FOXP1: variants seen among roughly 807,000 people sequenced by gnomAD.
FOXP1 encodes forkhead box P1.
In FOXP1, 15 loss-of-function variants were observed where a neutral mutation model predicts 98.2. That is an observed-to-expected ratio of 0.15 (90% CI 0.10 to 0.24). The LOEUF (loss-of-function observed/expected upper bound fraction) is 0.24. Among genes scored for constraint, FOXP1 ranks in the 10% least tolerant of loss-of-function variants. FOXP1 has a pLI of 1.00. For missense variants in FOXP1, 633 were observed against 848.5 expected (o/e 0.75, Z 3.15); for synonymous variants, 371 against 314.5 (o/e 1.18, Z -1.90).
chr3:71,060,408 T>C (rs2107254028), intron 7 of FOXP1, among the ~76,000 whole-genome samples: 1 of 152,232 alleles, frequency 6.6e-6, no homozygotes, highest in East Asian at 1.9e-4. Context: ...GATTTATTTA[T>C]AATGAAGACA....
intron 3 of FOXP1, among the ~76,000 whole-genome samples, chr3:71,448,297 C>T (rs1459428865): frequency 6.6e-6 from 1 of 152,190 alleles, no homozygotes; most frequent in Admixed American, 6.5e-5. Context: ...AATCCTGCTC[C>T]ATTAAGTCTG....
intron 3 of FOXP1, among the ~76,000 whole-genome samples, chr3:71,460,911 A>G (rs2088023941): frequency 6.6e-6 from 1 of 152,246 alleles, no homozygotes; most frequent in African/African-American, 2.4e-5. Context: ...TTCCCTTCTT[A>G]GAACTGTCTG....
intron 5 of FOXP1, among the ~76,000 whole-genome samples, chr3:71,215,791 CT>C (rs1201105317): frequency 2.0e-5 from 3 of 152,146 alleles, no homozygotes; most frequent in African/African-American, 7.2e-5. Flanking sequence ...AGAATCAGCT[CT>C]TGTTTACCAA....
intron 7 of FOXP1, among the ~76,000 whole-genome samples, chr3:71,056,776 A>G (rs1447742214): frequency 6.6e-6 from 1 of 152,164 alleles, no homozygotes; most frequent in African/African-American, 2.4e-5. Flanking sequence ...GCTTTAACAA[A>G]CATATTCAAA....
chr3:71,444,999 G>A (rs1267243701), intron 3 of FOXP1, among the ~76,000 whole-genome samples: 1 of 152,212 alleles, frequency 6.6e-6, no homozygotes, highest in African/African-American at 2.4e-5. Flanking sequence ...ATGTGGCCGG[G>A]CAGGGGAAGA....
chr3:71,182,698 TTTG>T (rs919398470), intron 6 of FOXP1, among the ~76,000 whole-genome samples: 34 of 151,574 alleles, frequency 2.2e-4, no homozygotes, highest in Non-Finnish European at 4.7e-4. Flanking sequence ...CCCAGCTAAG[TTTG>T]TTGTTGTTGT....
intron 2 of FOXP1, among the ~76,000 whole-genome samples, chr3:71,506,034 A>C (rs1318138307): frequency 1.3e-5 from 2 of 152,238 alleles, no homozygotes; most frequent in Non-Finnish European, 2.9e-5. Flanking sequence ...ATTTCAAGAC[A>C]ACAATAAGAG....
At chr3:70,967,690 T>TTTTTTTTTG (rs2035174404) in intron 19 of FOXP1, among the ~76,000 whole-genome samples, 8 of 128,018 alleles carry the variant, frequency 6.2e-5, no homozygotes, top group African/African-American at 1.7e-4. Context: ...ATTATTTGTT[T>TTTTTTTTTG]TTTTTTTTTG....
chr3:71,280,435 C>T (rs1025104851), intron 5 of FOXP1, among the ~76,000 whole-genome samples: 1 of 151,696 alleles, frequency 6.6e-6, no homozygotes, highest in Non-Finnish European at 1.5e-5. Flanking sequence ...ATTCTCCTGC[C>T]TCAGCTTCTT....
At chr3:70,974,843 A>G (rs2037159048) in intron 17 of FOXP1, among the ~76,000 whole-genome samples, 1 of 152,238 alleles carries the variant, frequency 6.6e-6, no homozygotes, top group South Asian at 2.1e-4. Flanking sequence ...TACTTTTGAC[A>G]AAATAATTTC....
intron 11 of FOXP1, among the ~76,000 whole-genome samples, chr3:71,022,185 C>A (rs1576231703): frequency 6.6e-6 from 1 of 152,048 alleles, no homozygotes; most frequent in Non-Finnish European, 1.5e-5. Flanking sequence ...GTCCCAGCAC[C>A]ATTTGATAAA....
rs830598 is a variant in FOXP1 at position 71,525,785 on chromosome 3, A to T, written c.-297-32230T>A. ...TGTAAGATGATTCACGTTTTTTTTT[A>T]AAAAATCAGGTAATATAAAAAATTT... On this transcript the variant is annotated intron_variant, in intron 2 of 20. Coordinates refer to ENST00000649528, the MANE Select transcript of FOXP1 (RefSeq NM_001349338.3). 3.8e-3 allele frequency among the ~76,000 whole-genome samples: 579 copies of T among 151,868 alleles called. 4 individuals are homozygous for T. Among genetic ancestry groups the T allele is most frequent in the African/African-American group, 8.0e-3 (332 of 41,440 alleles).
intron 4 of FOXP1, among the ~76,000 whole-genome samples, chr3:71,310,544 G>C (rs1388700723): frequency 6.6e-6 from 1 of 152,224 alleles, no homozygotes; most frequent in Non-Finnish European, 1.5e-5. Context: ...ATTAAGGTCT[G>C]CCAGGCAGAG....
intron 11 of FOXP1, among the ~76,000 whole-genome samples, chr3:71,036,135 C>T (rs1426180818): frequency 6.6e-6 from 1 of 152,092 alleles, no homozygotes; most frequent in Non-Finnish European, 1.5e-5. Flanking sequence ...GACTGTGTAT[C>T]AAGTGAAACT....
At chr3:71,413,210 T>C (rs1254336464) in intron 3 of FOXP1, among the ~76,000 whole-genome samples, 7 of 37,228 alleles carry the variant, frequency 1.9e-4, no homozygotes, top group South Asian at 2.3e-3. Context: ...CCCCCCCAAA[T>C]AGACACACAC....
intron 6 of FOXP1, chr3:71,197,912 G>C: frequency 1.2e-6 from 2 of 1,614,148 alleles, no homozygotes; most frequent in Non-Finnish European, 1.7e-6. Context: ...ATTCAAAATG[G>C]GGAAGGGTTA....
chr3:71,441,432 C>G (rs1211796480), intron 3 of FOXP1, among the ~76,000 whole-genome samples: 2 of 152,214 alleles, frequency 1.3e-5, no homozygotes, highest in African/African-American at 4.8e-5. Context: ...CAGCTCTGCT[C>G]CAGATTGGCC....
intron 13 of FOXP1, among the ~76,000 whole-genome samples, chr3:70,999,850 G>A (rs17008124): frequency 0.091 from 13,885 of 152,072 alleles, 925 homozygotes; most frequent in East Asian, 0.26. Flanking sequence ...TCTCAGCATC[G>A]CTGTCTTGCA....
rs1416389486 is a variant in FOXP1 at position 71,041,637 on chromosome 3, G to T, written c.665-105C>A. The T allele has an allele frequency of 1.3e-5, 15 of 1,128,876 alleles. No homozygotes were observed. The South Asian group carries it at 1.8e-4, about 14-fold the overall frequency. 69.9% of individuals were successfully genotyped at this position (1,128,876 alleles called of 1,614,324 possible). A position where few individuals can be genotyped will look rare whatever the true frequency, so the allele number is the denominator to read the frequency against. On this transcript the variant is annotated intron_variant, in intron 10 of 20. Coordinates refer to ENST00000649528, the MANE Select transcript of FOXP1 (RefSeq NM_001349338.3). ...AGTAAACAAAGCCTAGTGTTAGGGG[G>T]GTTTTTCGGTGTGTGCAGTTTTTTT...
Sources: gnomAD v4.1 joint callset for allele counts (sites outside exome capture counted in the v4.1 genomes callset) on GRCh38, gnomAD v4.1.1 for gene constraint, MANE v1.5 for transcripts, NCBI Gene and HGNC (gene_info 2026-07-23, HGNC 2026-07-21) for gene names.